The following VWA8 variants were observed in gnomAD, a reference collection of about 807,000 sequenced individuals.
VWA8 encodes von Willebrand factor A domain-containing protein 8.
A neutral mutation model predicts 241.5 loss-of-function variants in VWA8; 221 were observed. The observed-to-expected ratio is 0.91, with a 90% CI of 0.82 to 1.02. The LOEUF (loss-of-function observed/expected upper bound fraction) is 1.02. VWA8 is among the 50% of genes least tolerant of loss of function. The pLI is 0.00. For synonymous variants in VWA8, 852 were observed against 827.1 expected, an observed-to-expected ratio of 1.03 and a Z score of -0.52; for missense variants, 2,322 against 2,328.7, an observed-to-expected ratio of 1.00 and a Z score of 0.06.
intron 37 of VWA8, among the ~76,000 whole-genome samples, chr13:41,648,127 T>C (rs773204430): frequency 8.5e-5 from 13 of 152,086 alleles, no homozygotes; most frequent in East Asian, 1.9e-4. Flanking sequence ...CCTAACACAA[T>C]AGAAAAATGC....
At chr13:41,671,258 A>G (rs1180430932) in intron 36 of VWA8, 111 bp from the exon 37 acceptor site, 3 of 1,158,498 alleles carry the variant, frequency 2.6e-6, no homozygotes, top group Non-Finnish European at 3.7e-6. Context: ...CACACTACTC[A>G]TTATTTTATA....
intron 9 of VWA8, among the ~76,000 whole-genome samples, chr13:41,875,508 A>T (rs1429753341): frequency 6.6e-6 from 1 of 152,044 alleles, no homozygotes; most frequent in African/African-American, 2.4e-5. Context: ...AATTATAATC[A>T]CTGGGGGTTC....
rs780605762 is a variant in VWA8 at position 41,949,937 on chromosome 13, G to A, written c.240C>T (p.Tyr80=). The A allele has an allele frequency of 5.8e-6, 9 of 1,560,006 alleles. No homozygotes were observed. In the Admixed American group the frequency reaches 1.4e-4, roughly 24 times the overall value. The change falls in exon 2 of 45, where the codon TAC becomes TAT. Residue 80 remains tyrosine, a splice_region_variant and synonymous_variant. Transcript: ENST00000379310. ...PKNPELVPQN[Y]ISDSLAQSVV... ...CATATATTAATAAATATTTCTTACT[G>A]TAGTTCTGTGGCACAAGTTCTGGAT...
chr13:41,738,183 G>A (rs1419377030), intron 21 of VWA8, among the ~76,000 whole-genome samples: 1 of 152,124 alleles, frequency 6.6e-6, no homozygotes, highest in East Asian at 1.9e-4. Flanking sequence ...AAATATTTCT[G>A]CCAAAGCTGC....
intron 26 of VWA8, among the ~76,000 whole-genome samples, chr13:41,710,198 C>G (rs1455359256): frequency 6.6e-6 from 1 of 152,176 alleles, no homozygotes; most frequent in Admixed American, 6.5e-5. Flanking sequence ...ACATGTCAAC[C>G]ATTTCCTTCA....
At chr13:41,763,686 A>G (rs2045759142) in intron 20 of VWA8, among the ~76,000 whole-genome samples, 1 of 152,210 alleles carries the variant, frequency 6.6e-6, no homozygotes, top group Admixed American at 6.5e-5. Context: ...AAATTCAGCA[A>G]TCCTAGGAAA....
chr13:41,833,200 T>C (rs1314727689), intron 13 of VWA8, among the ~76,000 whole-genome samples, 171 bp downstream of exon 13: 1 of 152,182 alleles, frequency 6.6e-6, no homozygotes, highest in Non-Finnish European at 1.5e-5. Context: ...TTTTACTGCA[T>C]TGTGTTTATA....
chr13:41,716,734 A>G (rs1479201109), intron 26 of VWA8, among the ~76,000 whole-genome samples: 3 of 152,104 alleles, frequency 2.0e-5, no homozygotes, highest in Non-Finnish European at 4.4e-5. Flanking sequence ...ATTAAGTTGT[A>G]GCAAGAACTG....
At chr13:41,800,519 T>C (rs1869899782) in intron 17 of VWA8, among the ~76,000 whole-genome samples, 1 of 152,162 alleles carries the variant, frequency 6.6e-6, no homozygotes. Flanking sequence ...CCAGGCATGC[T>C]GGCTCACACC....
chr13:41,886,736 C>G (rs780601740), intron 7 of VWA8, 45 bp downstream of exon 7: 1 of 1,492,842 alleles, frequency 6.7e-7, no homozygotes, highest in Non-Finnish European at 9.1e-7. Flanking sequence ...ACAGGCAAAA[C>G]AAATTCAATA....
Position 41,937,972 on chromosome 13 carries a change from C to T in VWA8, c.241+11964G>A, listed in dbSNP as rs61533679. ...GGTCATGAGTTTGAGATCAGCCTGG[C>T]CAACACGGTGAAACCCTGACTATAC... On this transcript the variant is annotated intron_variant, in intron 2 of 44. Transcript: ENST00000379310. 9.2e-3 allele frequency among the ~76,000 whole-genome samples: 1,393 copies of T among 151,992 alleles called. 31 individuals are homozygous for T. The highest frequency in any genetic ancestry group is 0.03 in the African/African-American group (1,251 of 41,450).
At chr13:41,918,825 T>A (rs1405977743) in intron 2 of VWA8, among the ~76,000 whole-genome samples, 1 of 152,108 alleles carries the variant, frequency 6.6e-6, no homozygotes, top group African/African-American at 2.4e-5. Context: ...CACATATACA[T>A]AGTCATTTTT....
intron 37 of VWA8, among the ~76,000 whole-genome samples, chr13:41,661,014 TGCC>T (rs369788438): frequency 2.0e-5 from 3 of 151,960 alleles, no homozygotes; most frequent in South Asian, 2.1e-4. Context: ...TACAGGCGCA[TGCC>T]ACCACACCCA....
At chr13:41,579,997 C>A (rs2044372338) in intron 42 of VWA8, among the ~76,000 whole-genome samples, 2 of 152,110 alleles carry the variant, frequency 1.3e-5, no homozygotes, top group African/African-American at 4.8e-5. Flanking sequence ...CAGGCATGCG[C>A]CGCCACACCT....
At chr13:41,889,173 C>T (rs920046794) in intron 5 of VWA8, among the ~76,000 whole-genome samples, 3 of 152,090 alleles carry the variant, frequency 2.0e-5, no homozygotes, top group Admixed American at 1.3e-4. Flanking sequence ...GTGTTAGAAT[C>T]TTTTTACCAT....
intron 21 of VWA8, among the ~76,000 whole-genome samples, chr13:41,747,716 A>T (rs1174810636): frequency 6.6e-6 from 1 of 152,130 alleles, no homozygotes; most frequent in Non-Finnish European, 1.5e-5. Flanking sequence ...CCCATTCAGT[A>T]TGATATTGGC....
chr13:41,685,380 G>A (rs932331881), intron 34 of VWA8, 138 bp from the exon 35 acceptor site: 9 of 855,140 alleles, frequency 1.1e-5, no homozygotes, highest in African/African-American at 3.4e-5. Flanking sequence ...TATTGGCTGG[G>A]TACAGTGGCT....
At chr13:41,757,963 T>C (rs561309963) in intron 21 of VWA8, among the ~76,000 whole-genome samples, 4 of 151,824 alleles carry the variant, frequency 2.6e-5, no homozygotes, top group Non-Finnish European at 4.4e-5. Flanking sequence ...TTCTCTAATA[T>C]TGGCAGAAAT....
chr13:41,743,683 A>G (rs913481664), intron 21 of VWA8, among the ~76,000 whole-genome samples: 2 of 152,146 alleles, frequency 1.3e-5, no homozygotes, highest in African/African-American at 4.8e-5. Flanking sequence ...TACCCTTTAA[A>G]AATATTTATA....
Sources: gnomAD v4.1 joint callset for allele counts (sites outside exome capture counted in the v4.1 genomes callset) on GRCh38, gnomAD v4.1.1 for gene constraint, MANE v1.5 for transcripts, NCBI Gene and HGNC (gene_info 2026-07-23, HGNC 2026-07-21) for gene names.